The following CRYBG2 variants were observed in gnomAD, a reference collection of about 807,000 sequenced individuals.
CRYBG2 encodes the protein beta/gamma crystallin domain-containing protein 2.
CRYBG2 carries 106 observed loss-of-function variants against 153.4 expected under a neutral mutation model. The ratio of observed to expected loss-of-function variants is 0.69; its 90% CI spans 0.59 to 0.81. The LOEUF is 0.81. Ranked by LOEUF, CRYBG2 falls within the 30% of genes least tolerant of loss-of-function variation. The pLI, the probability that CRYBG2 is intolerant of heterozygous loss-of-function variation, is 0.00. For synonymous variants in CRYBG2, 851 were observed against 877.8 expected (o/e 0.97, Z 0.54); for missense variants, 1,996 against 2,112.0 (o/e 0.95, Z 1.08).
chr1:26,322,419 T>C, intron 18 of CRYBG2, 96 bp from the exon 19 acceptor site: 2 of 1,387,422 alleles, frequency 1.4e-6, no homozygotes, highest in Non-Finnish European at 1.9e-6. Context: ...ATCCTGGCTC[T>C]TAGGGACTGT....
At position 26,344,738 on chromosome 1, in the gene CRYBG2, G is replaced by A. The variant is rs1186321081; in HGVS notation, c.1920C>T (p.Ser640=). Residue 640 remains serine, a synonymous_variant, in exon 2 of 20, where the codon AGC becomes AGT. Coordinates refer to ENST00000308182, the MANE Select transcript of CRYBG2 (RefSeq NM_001039775.4). ...GGACAGCCTCTTTTTGGATGCTACTGCTGCCTTTTGGGCCCTGGACAACCT... is the reference window on the plus strand; with the variant it reads ...GGACAGCCTCTTTTTGGATGCTACTACTGCCTTTTGGGCCCTGGACAACCT... ...STEVVQGPKG[S]SSIQKEAVQG... is the part of the protein sequence containing the mutation. 3.9e-6 allele frequency: 6 copies of A among 1,535,486 alleles called. No individual in the cohort carries two copies. In the African/African-American group the frequency reaches 8.2e-5, roughly 21 times the overall value.
chr1:26,327,559 G>A (rs2073946732), intron 17 of CRYBG2, among the ~76,000 whole-genome samples: 1 of 151,750 alleles, frequency 6.6e-6, no homozygotes. Context: ...TGAGGTAGGA[G>A]AATCACTTGA....
chr1:26,346,102 C>T lies in CRYBG2; in HGVS notation c.556G>A (p.Gly186Ser), dbSNP rs771865810. ...RTVRTTTVVG[G>S]HVDRRMSSSV... The stretch of plus-strand genomic sequence containing the variant: ...CTGCTCATCCGCCGGTCCACATGAC[C>T]TCCCACCACTGTGGTGGTCCGCACA... The change falls in exon 2 of 20, where the codon GGT becomes AGT. Residue 186 changes from glycine (G) to serine (S), a missense_variant. Coordinates refer to ENST00000308182, the MANE Select transcript of CRYBG2 (RefSeq NM_001039775.4). The surrounding 1 kb of genome is among the most constrained non-coding windows in gnomAD (Gnocchi z 4.9). 2.5e-6 allele frequency: 4 copies of T among 1,572,802 alleles called. No homozygotes were observed. Among genetic ancestry groups the T allele is most frequent in the Non-Finnish European group, 3.4e-6 (4 of 1,163,496 alleles).
Position 26,328,222 on chromosome 1 carries a change from T to C in CRYBG2, c.4565A>G (p.Tyr1522Cys), listed in dbSNP as rs2073955583. 6.4e-7 allele frequency: 1 copy of C among 1,564,568 alleles called. No homozygotes were observed. The highest frequency in any genetic ancestry group is 1.4e-5 in the African/African-American group (1 of 73,488). ...CACGCTACCCACCTGCTTGATGGGG[T>C]AGAGGGAGCCCACCCTCTGGGTGCC... ...YSGTQRVGSL[Y>C]PIKQRRVYFR... is the part of the protein sequence containing the mutation. The change falls in exon 17 of 20, where the codon TAC (tyrosine) becomes TGC (cysteine). Residue 1522 changes from tyrosine (Y) to cysteine (C), a missense_variant. By Grantham distance (194) the Tyr-to-Cys change is radical. Coordinates refer to ENST00000308182, the MANE Select transcript of CRYBG2 (RefSeq NM_001039775.4).
At chr1:26,337,496 G>C (rs779840198) in intron 9 of CRYBG2, 42 bp downstream of exon 9, 2 of 1,609,358 alleles carry the variant, frequency 1.2e-6, no homozygotes, top group South Asian at 1.1e-5. Context: ...AAGGGTAAAG[G>C]CCAGAGGTGA....
In CRYBG2 at chr1:26,331,736, G is replaced by A. The variant is rs2073999643; in HGVS notation, c.4185-118C>T. Reference sequence around the variant, plus strand: ...GATCATGATCCCCTGTCCCAGGGGAGGTGGGATGAACAGGCACTACAGCAG... The same window carrying A: ...GATCATGATCCCCTGTCCCAGGGGAAGTGGGATGAACAGGCACTACAGCAG... On this transcript the variant is annotated intron_variant, in intron 14 of 19. Transcript: ENST00000308182. 5 of 1,364,432 alleles carry A rather than the reference G, an allele frequency of 3.7e-6. 1 individual carries two copies. The South Asian group carries it at 6.5e-5, about 18-fold the overall frequency. The allele number at this position is 1,364,432 out of a possible 1,614,324, so 84.5% of individuals were successfully genotyped here.
chr1:26,325,076 G>A lies in CRYBG2; in HGVS notation c.4579-766C>T, dbSNP rs1206144690. The A allele has an allele frequency of 6.6e-6, 1 of 152,188 alleles. No homozygotes were observed. Among genetic ancestry groups the A allele is most frequent in the East Asian group, 1.9e-4 (1 of 5,188 alleles). The allele number at this position is 152,188 out of a possible 1,614,324, so 9.4% of individuals were successfully genotyped here. The stretch of plus-strand genomic sequence containing the variant: ...GGTACAGTACTTGCCCAAGATTGCA[G>A]AGCAAATCCGTGTCCACTTCTCTGG... On this transcript the variant is annotated intron_variant, in intron 17 of 19. Coordinates refer to ENST00000308182, the MANE Select transcript of CRYBG2 (RefSeq NM_001039775.4). This position sits in a 1 kb window ranked among gnomAD's most constrained non-coding sequence, Gnocchi z 4.1.
intron 14 of CRYBG2, among the ~76,000 whole-genome samples, chr1:26,335,119 C>A (rs1321037036): frequency 2.0e-5 from 3 of 146,900 alleles, no homozygotes; most frequent in African/African-American, 2.5e-5. Flanking sequence ...AGATTTGGAG[C>A]AAAAAAAAAA....
rs746307863 is a variant in CRYBG2, at chr1:26,336,415, C to T, written c.4039-45G>A. On this transcript the variant is annotated intron_variant, in intron 12 of 19. Transcript: ENST00000308182. The surrounding 1 kb of genome is among the most constrained non-coding windows in gnomAD (Gnocchi z 4.9). ...CGAGAATTAGGGAGGGTGCCGGCCC[C>T]TAGCCTTGTCTTCTCTAGGTTTCAG... 51 of 1,604,642 alleles carry T rather than the reference C, an allele frequency of 3.2e-5. No individual in the cohort carries two copies. Among genetic ancestry groups the T allele is most frequent in the Non-Finnish European group, 4.2e-5 (49 of 1,175,578 alleles).
In CRYBG2 at chr1:26,328,829, G is replaced by A. The variant is rs2073964615; in HGVS notation, c.4359C>T (p.Phe1453=). 4 of 1,613,888 alleles carry A rather than the reference G, an allele frequency of 2.5e-6. No homozygotes were observed. Among genetic ancestry groups the A allele is most frequent in the East Asian group, 2.2e-5 (1 of 44,876 alleles). ...TGCTGAGCTCGATCTCCTTCCCCTCGAAGCACTCGAGTCCATACAGGAAAA... is the reference window on the plus strand; with the variant it reads ...TGCTGAGCTCGATCTCCTTCCCCTCAAAGCACTCGAGTCCATACAGGAAAA... ...PSIFLYGLEC[F]EGKEIELSRE... is the part of the protein sequence containing the mutation. The change falls in exon 16 of 20, where the codon TTC becomes TTT. Residue 1453 remains phenylalanine, a synonymous_variant. Coordinates refer to ENST00000308182, the MANE Select transcript of CRYBG2 (RefSeq NM_001039775.4).
intron 1 of CRYBG2, among the ~76,000 whole-genome samples, chr1:26,350,304 C>T (rs2074273166): frequency 6.6e-6 from 1 of 152,124 alleles, no homozygotes; most frequent in African/African-American, 2.4e-5. Flanking sequence ...ATAGACTAAG[C>T]TCCCTAGGAA....
chr1:26,327,682 C>G (rs2073948249), intron 17 of CRYBG2, among the ~76,000 whole-genome samples: 1 of 151,262 alleles, frequency 6.6e-6, no homozygotes, highest in African/African-American at 2.4e-5. Context: ...CATGGTGGCT[C>G]ACGTCTGTAA....
At position 26,345,554 on chromosome 1, in the gene CRYBG2, G is replaced by A. The variant is rs765700140; in HGVS notation, c.1104C>T (p.His368=). The A allele has an allele frequency of 6.2e-6, 10 of 1,604,600 alleles. No homozygotes were observed. In the African/African-American group the frequency reaches 9.4e-5, roughly 15 times the overall value. The change falls in exon 2 of 20, where the codon CAC becomes CAT. Residue 368 remains histidine, a synonymous_variant. Transcript: ENST00000308182. ...ETHVPSPGLT[H]PAKQPVVPTH... Reference sequence around the variant, plus strand: ...TGGGCACCACAGGCTGCTTTGCAGGGTGAGTTAGGCCAGGAGAGGGGACAT... The same window carrying A: ...TGGGCACCACAGGCTGCTTTGCAGGATGAGTTAGGCCAGGAGAGGGGACAT...
rs527408542 is a variant in CRYBG2, at chr1:26,331,422, T to C, written c.4314+67A>G. On this transcript the variant is annotated intron_variant, in intron 15 of 19. Transcript: ENST00000308182. Reference sequence around the variant, plus strand: ...CCCCTGCACCAGCACACAGGTTCTGTGTCCAGAAGTCCCACAGCAGCAACT... The same window carrying C: ...CCCCTGCACCAGCACACAGGTTCTGCGTCCAGAAGTCCCACAGCAGCAACT... The C allele has an allele frequency of 2.8e-5, 45 of 1,579,122 alleles. No individual in the cohort carries two copies. In the African/African-American group the frequency reaches 3.8e-4, roughly 13 times the overall value.
chr1:26,353,377 G>T (rs2074305989), intron 1 of CRYBG2, among the ~76,000 whole-genome samples: 1 of 152,088 alleles, frequency 6.6e-6, no homozygotes, highest in Non-Finnish European at 1.5e-5. Context: ...CCTCCTTGAT[G>T]AGCTTTGGGG....
Position 26,344,482 on chromosome 1 carries a change from C to G in CRYBG2, c.2176G>C (p.Val726Leu). ...GTGCTGGCCTCTGCTCCTGTTGGCA[C>G]TGGGGCAGGGGTGCCTCCTGGGCTG... ...SPSPGGTPAP[V>L]PTGAEASTES... Residue 726 changes from valine (V) to leucine (L), a missense_variant, in exon 2 of 20, where the codon GTG becomes CTG. Coordinates refer to ENST00000308182, the MANE Select transcript of CRYBG2 (RefSeq NM_001039775.4). The G allele has an allele frequency of 6.5e-7, 1 of 1,541,596 alleles. No individual in the cohort carries two copies. Among genetic ancestry groups the G allele is most frequent in the Non-Finnish European group, 8.8e-7 (1 of 1,142,182 alleles).
At chr1:26,328,991 G>T (rs964810743) in intron 15 of CRYBG2, 118 bp from the exon 16 acceptor site, 5 of 1,268,774 alleles carry the variant, frequency 3.9e-6, no homozygotes, top group Non-Finnish European at 5.5e-6. Context: ...TCCCTCCTGA[G>T]CTCAGTTCTG....
At chr1:26,333,046 A>AAAAAAAAAAAAAAAAAAT (rs2074016551) in intron 14 of CRYBG2, among the ~76,000 whole-genome samples, 2 of 136,704 alleles carry the variant, frequency 1.5e-5, no homozygotes, top group African/African-American at 2.8e-5. Context: ...AAAAAAAAAA[A>AAAAAAAAAAAAAAAAAAT]GATTTCTAAC....
chr1:26,344,387 C>G lies in CRYBG2; in HGVS notation c.2271G>C (p.Glu757Asp), dbSNP rs557605871. 4.0e-6 allele frequency: 6 copies of G among 1,516,722 alleles called. No homozygotes were observed. In the African/African-American group the frequency reaches 8.3e-5, roughly 21 times the overall value. The allele number at this position is 1,516,722 out of a possible 1,614,324, so 94.0% of individuals were successfully genotyped here. Residue 757 changes from glutamate (E) to aspartate (D), a missense_variant, in exon 2 of 20, where the codon GAG becomes GAC. Transcript: ENST00000308182. The part of the protein sequence containing the change: ...TCTETSREED[E>D]VALAADLEIF... ...TCTCCAGGTCAGCGGCCAGGGCCAC[C>G]TCATCCTCCTCCCTTGATGTCTCTG...
Sources: gnomAD v4.1 joint callset for allele counts (sites outside exome capture counted in the v4.1 genomes callset) on GRCh38, gnomAD v4.1.1 for gene constraint, Gnocchi (gnomAD v3.1) non-coding constraint, MANE v1.5 for transcripts, NCBI Gene and HGNC (gene_info 2026-07-23, HGNC 2026-07-21) for gene names.